The following EXOC2 variants were observed in gnomAD, a reference collection of about 807,000 sequenced individuals.
EXOC2 encodes the protein SEC5-like 1.
A neutral mutation model predicts 131.8 loss-of-function variants in EXOC2; 70 were observed. The ratio of observed to expected loss-of-function variants is 0.53; its 90% CI spans 0.44 to 0.65. The LOEUF (loss-of-function observed/expected upper bound fraction) is 0.65. Among genes scored for constraint, EXOC2 ranks in the 30% least tolerant of loss-of-function variants. The pLI is 0.00. For missense variants in EXOC2, 923 were observed against 1,108.6 expected, an observed-to-expected ratio of 0.83 and a Z score of 2.38; for synonymous variants, 411 against 398.4, an observed-to-expected ratio of 1.03 and a Z score of -0.38.
intron 13 of EXOC2, among the ~76,000 whole-genome samples, chr6:566,211 G>T (rs1757956490): frequency 6.6e-6 from 1 of 152,196 alleles, no homozygotes; most frequent in Non-Finnish European, 1.5e-5. Context: ...GTACCCCAGG[G>T]TTTAACTCAT....
At position 637,697 on chromosome 6, in the gene EXOC2, T is replaced by C; in HGVS notation, c.118+4A>G. The C allele has an allele frequency of 1.2e-6, 2 of 1,610,446 alleles. No individual in the cohort carries two copies. Among genetic ancestry groups the C allele is most frequent in the Non-Finnish European group, 1.7e-6 (2 of 1,178,478 alleles). On this transcript the variant is annotated splice_donor_region_variant and intron_variant, in intron 2 of 27. Coordinates refer to ENST00000230449, the MANE Select transcript of EXOC2 (RefSeq NM_018303.6). ...AGGGTGCGTCGCAGGGCCTCTGCCC[T>C]TACCTATGAGGTCGGTGGGGCCAGT...
intron 11 of EXOC2, among the ~76,000 whole-genome samples, chr6:578,570 C>T (rs997406453): frequency 6.6e-6 from 1 of 152,152 alleles, no homozygotes; most frequent in Non-Finnish European, 1.5e-5. Context: ...CTCCAGATCC[C>T]CACAAATTCT....
chr6:672,598 G>A (rs749347417), intron 1 of EXOC2, among the ~76,000 whole-genome samples: 2 of 152,180 alleles, frequency 1.3e-5, no homozygotes, highest in Admixed American at 1.3e-4. Flanking sequence ...CTCTGTATCT[G>A]CCTGTTGTCT....
intron 11 of EXOC2, among the ~76,000 whole-genome samples, chr6:588,552 A>T (rs888528110): frequency 1.1e-4 from 16 of 152,120 alleles, no homozygotes; most frequent in African/African-American, 3.9e-4. Flanking sequence ...ACAGGGTTTC[A>T]CTATGTTGGC....
chr6:632,322 A>C (rs1471285123), intron 3 of EXOC2, among the ~76,000 whole-genome samples: 5 of 152,236 alleles, frequency 3.3e-5, no homozygotes, highest in Non-Finnish European at 7.3e-5. Flanking sequence ...CCAGGTTAGA[A>C]TTCAAAGAGC....
At chr6:531,628 G>C (rs1766092983) in intron 23 of EXOC2, among the ~76,000 whole-genome samples, 1 of 152,194 alleles carries the variant, frequency 6.6e-6, no homozygotes, top group Non-Finnish European at 1.5e-5. Flanking sequence ...TTTAGTATAA[G>C]TGCCATACAA....
intron 23 of EXOC2, among the ~76,000 whole-genome samples, chr6:529,130 C>A (rs1765919205): frequency 6.6e-6 from 1 of 152,186 alleles, no homozygotes. Context: ...CCCCCCGCGC[C>A]CTGGTTACTG....
At chr6:540,880 A>G (rs2493044) in intron 22 of EXOC2, among the ~76,000 whole-genome samples, 29,374 of 152,132 alleles carry the variant, frequency 0.19, 3,832 homozygotes, top group African/African-American at 0.37. Context: ...AGAGGCAAAT[A>G]AAGTATCTAA....
At chr6:557,636 G>T (rs1016308100) in intron 17 of EXOC2, among the ~76,000 whole-genome samples, 2 of 107,916 alleles carry the variant, frequency 1.9e-5, no homozygotes, top group Non-Finnish European at 4.0e-5. Context: ...AAAAAAAAAA[G>T]AAAAGAAGAA....
chr6:686,308 C>CA (rs1257307782), intron 1 of EXOC2, among the ~76,000 whole-genome samples: 8 of 151,966 alleles, frequency 5.3e-5, no homozygotes, highest in Admixed American at 5.2e-4. Context: ...CCTCTACAAA[C>CA]AAAAAAATAC....
intron 4 of EXOC2, among the ~76,000 whole-genome samples, chr6:626,842 C>T (rs1761598691): frequency 6.6e-6 from 1 of 152,208 alleles, no homozygotes; most frequent in Admixed American, 6.5e-5. Context: ...ATCCGCCCGC[C>T]TCGGCCTCTC....
rs146638875 is a variant in EXOC2, at chr6:537,984, G to A, written c.2239-5374C>T. On this transcript the variant is annotated intron_variant, in intron 22 of 27. Transcript: ENST00000230449. ...TTCATCTGGTGGTGGATGCTGGAAC[G>A]TGTGCATATGTAAAAAGCCATCAAT... Among the ~76,000 whole-genome samples the A allele has an allele frequency of 2.0e-4, 30 of 152,224 alleles. No individual in the cohort carries two copies. The East Asian group carries it at 2.5e-3, about 13-fold the overall frequency.
At chr6:631,948 T>TA (rs1249141462) in intron 3 of EXOC2, among the ~76,000 whole-genome samples, 3 of 152,124 alleles carry the variant, frequency 2.0e-5, no homozygotes, top group Non-Finnish European at 4.4e-5. Context: ...GCTCTAAGAT[T>TA]AAAAAAACAA....
intron 22 of EXOC2, among the ~76,000 whole-genome samples, chr6:542,636 A>G (rs1366643146): frequency 2.6e-5 from 4 of 152,260 alleles, no homozygotes; most frequent in African/African-American, 7.2e-5. Context: ...TGGACCAGTC[A>G]TTAACCATCA....
At chr6:562,114 G>A (rs1169919024) in intron 17 of EXOC2, among the ~76,000 whole-genome samples, 2 of 152,232 alleles carry the variant, frequency 1.3e-5, no homozygotes, top group African/African-American at 4.8e-5. Flanking sequence ...CAGGGAAGAA[G>A]GATGGAGGCA....
At chr6:580,116 A>T (rs1484333095) in intron 11 of EXOC2, among the ~76,000 whole-genome samples, 1 of 150,922 alleles carries the variant, frequency 6.6e-6, no homozygotes, top group Non-Finnish European at 1.5e-5. Flanking sequence ...ATCTTGGCTC[A>T]CTGCAACCTC....
intron 1 of EXOC2, among the ~76,000 whole-genome samples, chr6:650,863 A>C (rs988217816): frequency 2.6e-5 from 4 of 152,224 alleles, no homozygotes; most frequent in African/African-American, 9.6e-5. Flanking sequence ...GAGAGTATGA[A>C]ACTAGTAAAA....
At chr6:671,280 C>T (rs914112639) in intron 1 of EXOC2, among the ~76,000 whole-genome samples, 1 of 151,366 alleles carries the variant, frequency 6.6e-6, no homozygotes, top group Non-Finnish European at 1.5e-5. Context: ...TCACTTGAAC[C>T]TGGGAGGTGG....
chr6:644,181 A>G (rs936700426), intron 1 of EXOC2, among the ~76,000 whole-genome samples: 2 of 152,140 alleles, frequency 1.3e-5, no homozygotes, highest in African/African-American at 4.8e-5. Context: ...ATTCCAACCA[A>G]GCAAGGCCAG....
Sources: gnomAD v4.1 joint callset for allele counts (sites outside exome capture counted in the v4.1 genomes callset) on GRCh38, gnomAD v4.1.1 for gene constraint, MANE v1.5 for transcripts, NCBI Gene and HGNC (gene_info 2026-07-23, HGNC 2026-07-21) for gene names.